The following ARHGAP9 variants were observed in gnomAD, a reference collection of about 807,000 sequenced individuals.
ARHGAP9 encodes rho GTPase-activating protein 9.
Under a neutral mutation model 87.3 loss-of-function variants are expected in ARHGAP9, and 76 were observed. That is an observed-to-expected ratio of 0.87 (90% CI 0.72 to 1.05). ARHGAP9 has a LOEUF of 1.05. ARHGAP9 is among the 50% of genes least tolerant of loss of function. ARHGAP9 has a pLI of 0.00. For missense variants in ARHGAP9, 941 were observed against 960.5 expected (o/e 0.98, Z 0.27); for synonymous variants, 382 against 394.9 (o/e 0.97, Z 0.39).
At chr12:57,482,035 CGACAAACTCAGTAT>C (rs1239604467), upstream of ARHGAP9, among the ~76,000 whole-genome samples, 1 of 152,142 alleles carries the variant, frequency 6.6e-6, no homozygotes, top group Non-Finnish European at 1.5e-5. Flanking sequence ...TTCACAGGTA[CGACAAACTCAGTAT>C]GAACCAAACT....
chr12:57,478,234 G>T (rs760889870), intron 3 of ARHGAP9: 4 of 376,378 alleles, frequency 1.1e-5, no homozygotes, highest in Non-Finnish European at 2.0e-5. Flanking sequence ...TGCGCCCTGT[G>T]CCCTGTCCCC....
chr12:57,478,103 G>T, intron 3 of ARHGAP9: 1 of 481,450 alleles, frequency 2.1e-6, no homozygotes, highest in Non-Finnish European at 3.2e-6. Context: ...GGCTGGGCAA[G>T]TCACATCTCT....
intron 12 of ARHGAP9, 131 bp from the exon 13 acceptor site, chr12:57,475,104 A>G: frequency 8.9e-7 from 1 of 1,126,056 alleles, no homozygotes; most frequent in Non-Finnish European, 1.3e-6. Flanking sequence ...AAGGAAATAC[A>G]CTCCACCTCC....
intron 3 of ARHGAP9, 47 bp downstream of exon 3, chr12:57,478,493 T>C: frequency 6.3e-7 from 1 of 1,589,836 alleles, no homozygotes; most frequent in Non-Finnish European, 8.6e-7. Flanking sequence ...AGGTGCTGTC[T>C]GTCCTGTGCC....
chr12:57,485,801 C>T (rs71461327), intron 1 of ARHGAP9, among the ~76,000 whole-genome samples: 5,267 of 152,152 alleles, frequency 0.035, 136 homozygotes, highest in Non-Finnish European at 0.049. Context: ...ATTCTTCTAT[C>T]TCATGTGGCC....
intron 3 of ARHGAP9, chr12:57,478,283 ACCCAGTTTG>A: frequency 2.1e-6 from 1 of 478,000 alleles, no homozygotes; most frequent in South Asian, 2.3e-5. Flanking sequence ...CTCACCTCCT[ACCCAGTTTG>A]CCTCTCGGCT....
Position 57,488,218 on chromosome 12 carries a change from G to T in ARHGAP9, c.-204+394C>A. The T allele has an allele frequency of 3.1e-6, 5 of 1,600,530 alleles. No individual in the cohort carries two copies. In the African/African-American group the frequency reaches 4.0e-5, roughly 13 times the overall value. On this transcript the variant is annotated intron_variant, in intron 1 of 20. Transcript: ENST00000393797. The stretch of plus-strand genomic sequence containing the variant: ...CCGGAAGGTACTCGTGCTGGTGCTG[G>T]TGGGCGGTGGATGGGGGGGCGGGAC...
chr12:57,488,576 C>T (rs893110067), intron 1 of ARHGAP9: 1 of 1,550,754 alleles, frequency 6.4e-7, no homozygotes, highest in African/African-American at 1.4e-5. Flanking sequence ...TCCCTCTCTC[C>T]CCTCCTAACA....
rs1872187086 is a variant in ARHGAP9 at position 57,472,585 on chromosome 12, C to A, written c.2128G>T (p.Ala710Ser). 6.2e-7 allele frequency: 1 copy of A among 1,614,106 alleles called. No homozygotes were observed. Reference protein sequence around the residue: ...RPEQETSDPAAHALYPGQLVQ... With the variant: ...RPEQETSDPASHALYPGQLVQ... ...AGCTGCCCTGGGTAGAGAGCATGGGCTGCTGGGTCAGATGTCTCCTGCTCT... is the reference window on the plus strand; with the variant it reads ...AGCTGCCCTGGGTAGAGAGCATGGGATGCTGGGTCAGATGTCTCCTGCTCT... The change falls in exon 18 of 18, where the codon GCC (alanine) becomes TCC (serine). Residue 710 changes from alanine (A) to serine (S), a missense_variant. Transcript: ENST00000393791.
At position 57,472,383 on chromosome 12, in the gene ARHGAP9, C is replaced by T. The variant is rs1872121215; in HGVS notation, c.*134G>A. The T allele has an allele frequency of 8.5e-7, 1 of 1,181,168 alleles. No homozygotes were observed. The allele number at this position is 1,181,168 out of a possible 1,614,324, so 73.2% of individuals were successfully genotyped here. Reference sequence around the variant, plus strand: ...TTTAGAGAAGCTCCCTCACCCATCCCAACACCTCAAGTCACACTCATGAAG... The same window carrying T: ...TTTAGAGAAGCTCCCTCACCCATCCTAACACCTCAAGTCACACTCATGAAG... On this transcript the variant is annotated 3_prime_UTR_variant, in exon 18 of 18. Transcript: ENST00000393791.
intron 2 of ARHGAP9, 146 bp from the exon 3 acceptor site, chr12:57,478,903 A>T: frequency 9.2e-7 from 1 of 1,081,338 alleles, no homozygotes; most frequent in Non-Finnish European, 1.3e-6. Context: ...CCTTAGGACT[A>T]GGAGGACAGG....
At chr12:57,487,848 CA>C (rs1875547163) in intron 1 of ARHGAP9, 1 of 409,472 alleles carries the variant, frequency 2.4e-6, no homozygotes, top group Non-Finnish European at 4.2e-6. Flanking sequence ...GACGCCCTCT[CA>C]CAAAAAAAAA....
intron 3 of ARHGAP9, 26 bp from the exon 4 acceptor site, chr12:57,477,706 G>A: frequency 6.2e-7 from 1 of 1,606,344 alleles, no homozygotes; most frequent in Non-Finnish European, 8.5e-7. Context: ...GAAGAAGGAG[G>A]TGGTCATTCT....
intron 12 of ARHGAP9, 156 bp from the exon 13 acceptor site, chr12:57,475,129 A>G (rs1873098392): frequency 1.9e-5 from 21 of 1,121,800 alleles, no homozygotes; most frequent in Non-Finnish European, 2.5e-5. Context: ...CCCTGCTTCA[A>G]ACAATCTGGC....
At chr12:57,484,570 G>C (rs1334300524), upstream of ARHGAP9, among the ~76,000 whole-genome samples, 2 of 152,264 alleles carry the variant, frequency 1.3e-5, no homozygotes, top group East Asian at 1.9e-4. Flanking sequence ...CTTCTACAGT[G>C]ATTTCTGGCA....
At chr12:57,480,105 G>C (rs1379534246), upstream of ARHGAP9, 1 of 985,250 alleles carries the variant, frequency 1.0e-6, no homozygotes, top group Admixed American at 6.1e-5. Context: ...CACGATTTTG[G>C]GAGCTGAGAA....
chr12:57,481,535 G>A (rs2139969567), upstream of ARHGAP9, among the ~76,000 whole-genome samples: 1 of 152,242 alleles, frequency 6.6e-6, no homozygotes, highest in East Asian at 1.9e-4. Flanking sequence ...ACAGGCGTAA[G>A]CCACCGAGTC....
intron 2 of ARHGAP9, 78 bp from the exon 3 acceptor site, chr12:57,478,835 C>A: frequency 7.3e-7 from 1 of 1,376,326 alleles, no homozygotes; most frequent in Non-Finnish European, 9.9e-7. Flanking sequence ...CTTGGGAACT[C>A]ACAGGGAAGA....
At chr12:57,488,294 G>T in intron 1 of ARHGAP9, 2 of 1,158,058 alleles carry the variant, frequency 1.7e-6, no homozygotes, top group Non-Finnish European at 1.3e-6. Flanking sequence ...CCTAGCCCTC[G>T]CCACACACCC....
Sources: allele counts gnomAD v4.1 joint callset (sites outside exome capture counted in the v4.1 genomes callset), GRCh38; gene constraint gnomAD v4.1.1; transcripts MANE v1.5; gene names NCBI Gene and HGNC (gene_info 2026-07-23, HGNC 2026-07-21).